Variants in PRKCA observed in about 807,000 individuals in gnomAD.
The protein encoded by PRKCA is protein kinase C alpha type.
In PRKCA, 27 loss-of-function variants were observed where a neutral mutation model predicts 87.0. That is an observed-to-expected ratio of 0.31 (90% CI 0.23 to 0.43). The LOEUF (loss-of-function observed/expected upper bound fraction) is 0.43, where lower values mean the gene tolerates loss of function less well. Ranked by LOEUF, PRKCA falls within the 20% of genes least tolerant of loss-of-function variation. The pLI, the probability that PRKCA is intolerant of heterozygous loss-of-function variation, is 1.00. For missense variants in PRKCA, 518 were observed against 852.3 expected (o/e 0.61, Z 4.88); for synonymous variants, 329 against 311.1 (o/e 1.06, Z -0.61).
intron 3 of PRKCA, among the ~76,000 whole-genome samples, chr17:66,619,218 G>A (rs1314221454): frequency 6.6e-6 from 1 of 152,082 alleles, no homozygotes; most frequent in Non-Finnish European, 1.5e-5. Context: ...GTTAGATTAT[G>A]GGCGTCAGAG....
At chr17:66,627,316 A>G (rs34251715) in intron 3 of PRKCA, among the ~76,000 whole-genome samples, 44,903 of 151,518 alleles carry the variant, frequency 0.3, 6,707 homozygotes, top group Middle Eastern at 0.39. Flanking sequence ...GGTTGGGGGG[A>G]ATGTATCAAT....
At chr17:66,479,168 C>T (rs1363004718) in intron 2 of PRKCA, among the ~76,000 whole-genome samples, 3 of 151,870 alleles carry the variant, frequency 2.0e-5, no homozygotes, top group Admixed American at 6.6e-5. Flanking sequence ...CTTAAATTTA[C>T]AAGAAAAAAA....
At chr17:66,759,331 G>A (rs988956516) in intron 13 of PRKCA, among the ~76,000 whole-genome samples, 9 of 152,016 alleles carry the variant, frequency 5.9e-5, no homozygotes, top group Admixed American at 5.9e-4. Flanking sequence ...ACTCCAGCCT[G>A]GGTGACAGAG....
intron 5 of PRKCA, among the ~76,000 whole-genome samples, chr17:66,666,519 C>T (rs1972046911): frequency 6.6e-6 from 1 of 152,196 alleles, no homozygotes; most frequent in African/African-American, 2.4e-5. Flanking sequence ...CTTCAGGGGA[C>T]TTTGAGAAGC....
intron 2 of PRKCA, among the ~76,000 whole-genome samples, chr17:66,487,724 G>C (rs751073699): frequency 6.6e-6 from 1 of 152,156 alleles, no homozygotes; most frequent in Non-Finnish European, 1.5e-5. Context: ...TAACTGTGGT[G>C]GGATGTTACT....
In PRKCA at chr17:66,494,338, A is replaced by G. The variant is rs368416109; in HGVS notation, c.206-1863A>G. On this transcript the variant is annotated intron_variant, in intron 2 of 16. Coordinates refer to ENST00000413366, the MANE Select transcript of PRKCA (RefSeq NM_002737.3). ...AAAGAACATAAATTTGTTTTCTTAC[A>G]GTTCTAGAGGCCAGGAAGTCGAAGA... 1.3e-4 allele frequency among the ~76,000 whole-genome samples: 20 copies of G among 152,338 alleles called. No individual in the cohort carries two copies. In the East Asian group the frequency reaches 3.1e-3, roughly 23 times the overall value.
chr17:66,754,938 T>TG (rs1214057190), intron 13 of PRKCA, among the ~76,000 whole-genome samples: 2 of 152,064 alleles, frequency 1.3e-5, no homozygotes, highest in African/African-American at 4.8e-5. Flanking sequence ...GCCTTACCTC[T>TG]ACAGAACAGT....
At chr17:66,377,700 T>G (rs1909522346) in intron 2 of PRKCA, among the ~76,000 whole-genome samples, 1 of 48,764 alleles carries the variant, frequency 2.1e-5, no homozygotes, top group Non-Finnish European at 4.3e-5. Context: ...AAGTCTATGT[T>G]TTATATATAT....
intron 2 of PRKCA, among the ~76,000 whole-genome samples, chr17:66,479,272 AC>A (rs1354938302): frequency 1.3e-5 from 2 of 152,340 alleles, no homozygotes; most frequent in Admixed American, 1.3e-4. Context: ...ACTCAACATC[AC>A]TGATCATTAG....
rs185905156 is a variant in PRKCA at position 66,428,582 on chromosome 17, C to A, written c.206-67619C>A. 3.9e-3 allele frequency among the ~76,000 whole-genome samples: 590 copies of A among 151,802 alleles called. 6 individuals are homozygous for A. Among genetic ancestry groups the A allele is most frequent in the African/African-American group, 0.014 (559 of 41,354 alleles). The stretch of plus-strand genomic sequence containing the variant: ...GCAGTGGCACAATCTTGGCTCACTG[C>A]AACCTTCACCTCCTGGGTTTAAGCA... On this transcript the variant is annotated intron_variant, in intron 2 of 16. Coordinates refer to ENST00000413366, the MANE Select transcript of PRKCA (RefSeq NM_002737.3).
At chr17:66,511,060 A>ATT (rs59846176) in intron 3 of PRKCA, among the ~76,000 whole-genome samples, 8,717 of 151,882 alleles carry the variant, frequency 0.057, 759 homozygotes, top group African/African-American at 0.19. Flanking sequence ...TAGGTGAGGC[A>ATT]TTTTTTTTCG....
chr17:66,519,418 C>A (rs1027124195), intron 3 of PRKCA, among the ~76,000 whole-genome samples: 1 of 152,110 alleles, frequency 6.6e-6, no homozygotes, highest in Non-Finnish European at 1.5e-5. Context: ...TTATGATGTA[C>A]GTGATTTTGT....
At chr17:66,428,715 G>A (rs1042399812) in intron 2 of PRKCA, among the ~76,000 whole-genome samples, 2 of 151,942 alleles carry the variant, frequency 1.3e-5, no homozygotes, top group Non-Finnish European at 2.9e-5. Context: ...TGTTGCTCAG[G>A]CTGGTCTCGA....
At chr17:66,658,569 T>C (rs1039025897) in intron 5 of PRKCA, among the ~76,000 whole-genome samples, 12 of 152,180 alleles carry the variant, frequency 7.9e-5, no homozygotes, top group African/African-American at 2.9e-4. Flanking sequence ...CCTGTGGGGA[T>C]TATGAGAACT....
chr17:66,588,785 C>T (rs1362567847), intron 3 of PRKCA, among the ~76,000 whole-genome samples: 1 of 151,692 alleles, frequency 6.6e-6, no homozygotes, highest in Non-Finnish European at 1.5e-5. Flanking sequence ...GGATTACAGG[C>T]ACCCACCACC....
chr17:66,314,390 TA>T (rs999524126), intron 2 of PRKCA, among the ~76,000 whole-genome samples: 2 of 152,126 alleles, frequency 1.3e-5, no homozygotes, highest in Non-Finnish European at 2.9e-5. Flanking sequence ...ATAACTGCAT[TA>T]AAAAAACTCT....
chr17:66,608,887 TA>T (rs1970278560), intron 3 of PRKCA, among the ~76,000 whole-genome samples: 1 of 152,230 alleles, frequency 6.6e-6, no homozygotes, highest in African/African-American at 2.4e-5. Context: ...AAAAGACTTT[TA>T]AAAAAGATTA....
intron 3 of PRKCA, among the ~76,000 whole-genome samples, chr17:66,528,872 C>T (rs534839852): frequency 1.3e-5 from 2 of 152,260 alleles, no homozygotes; most frequent in South Asian, 4.1e-4. Flanking sequence ...TTGGTTAAGA[C>T]TAAGAGGCAA....
At chr17:66,344,541 G>A (rs1195674482) in intron 2 of PRKCA, among the ~76,000 whole-genome samples, 7 of 152,146 alleles carry the variant, frequency 4.6e-5, no homozygotes, top group Non-Finnish European at 8.8e-5. Context: ...ACAGTTAGTT[G>A]TTATTAGCCT....
Sources: gnomAD v4.1 joint callset for allele counts (sites outside exome capture counted in the v4.1 genomes callset) on GRCh38, gnomAD v4.1.1 for gene constraint, MANE v1.5 for transcripts, NCBI Gene and HGNC (gene_info 2026-07-23, HGNC 2026-07-21) for gene names.